EZH2: variants seen among roughly 807,000 people sequenced by gnomAD.
EZH2 encodes the protein histone-lysine N-methyltransferase EZH2.
EZH2 carries 18 observed loss-of-function variants against 98.4 expected under a neutral mutation model. The observed-to-expected ratio is 0.18, with a 90% CI of 0.13 to 0.27. The LOEUF (loss-of-function observed/expected upper bound fraction) is 0.27. Ranked by LOEUF, EZH2 falls within the 10% of genes least tolerant of loss-of-function variation. EZH2 has a pLI of 1.00. For missense variants in EZH2, 470 were observed against 935.1 expected, an observed-to-expected ratio of 0.50 and a Z score of 6.49; for synonymous variants, 338 against 312.3, an observed-to-expected ratio of 1.08 and a Z score of -0.87.
intron 1 of EZH2, among the ~76,000 whole-genome samples, chr7:148,868,686 T>C (rs1818893917): frequency 6.6e-6 from 1 of 152,144 alleles, no homozygotes; most frequent in African/African-American, 2.4e-5. Context: ...CTATAGCCTC[T>C]AGGGTAGAAA....
intron 1 of EZH2, among the ~76,000 whole-genome samples, chr7:148,868,582 G>A (rs1447719682): frequency 6.6e-6 from 1 of 152,142 alleles, no homozygotes; most frequent in Admixed American, 6.6e-5. Context: ...CGTGATTTGG[G>A]TGGGGCCACA....
At chr7:148,832,175 G>A (rs937172248) in intron 4 of EZH2, among the ~76,000 whole-genome samples, 8 of 151,950 alleles carry the variant, frequency 5.3e-5, no homozygotes, top group African/African-American at 1.2e-4. Flanking sequence ...TACAACCTCC[G>A]CCTCCCTCAA....
At chr7:148,863,624 C>A (rs757315457) in intron 1 of EZH2, among the ~76,000 whole-genome samples, 2 of 152,142 alleles carry the variant, frequency 1.3e-5, no homozygotes, top group Non-Finnish European at 2.9e-5. Flanking sequence ...AAATAAAAAT[C>A]TTGACCCAGG....
intron 1 of EZH2, among the ~76,000 whole-genome samples, chr7:148,872,297 A>G (rs761157131): frequency 2.0e-5 from 3 of 152,348 alleles, no homozygotes; most frequent in Non-Finnish European, 4.4e-5. Context: ...AATCATGGAA[A>G]CAGAAAGTAG....
intron 8 of EZH2, among the ~76,000 whole-genome samples, chr7:148,822,453 T>C (rs1019284357): frequency 1.3e-5 from 2 of 150,756 alleles, no homozygotes; most frequent in Admixed American, 1.3e-4. Context: ...AAGGCTGCAA[T>C]GAGCCAAGAT....
At chr7:148,815,678 G>A in intron 12 of EZH2, 132 bp from the exon 13 acceptor site, 1 of 773,876 alleles carries the variant, frequency 1.3e-6, no homozygotes, top group Non-Finnish European at 2.2e-6. Context: ...GCCCTGCCCA[G>A]TTTATATTTG....
chr7:148,872,839 C>CT (rs879385903), intron 1 of EZH2, among the ~76,000 whole-genome samples: 59 of 146,260 alleles, frequency 4.0e-4, no homozygotes, highest in East Asian at 9.9e-4. Flanking sequence ...TTTTTGATAC[C>CT]TTTTTTTTTT....
chr7:148,821,511 G>T (rs557933126), intron 8 of EZH2, among the ~76,000 whole-genome samples: 9 of 152,048 alleles, frequency 5.9e-5, no homozygotes, highest in African/African-American at 2.2e-4. Context: ...TTTTTAAAAA[G>T]AACTAGACAA....
chr7:148,841,136 G>A (rs370674252), intron 3 of EZH2, among the ~76,000 whole-genome samples: 1 of 151,006 alleles, frequency 6.6e-6, no homozygotes, highest in African/African-American at 2.4e-5. Context: ...TAAATGACAT[G>A]TATTTAATAT....
At position 148,811,705 on chromosome 7, in the gene EZH2, G is replaced by A. The variant is rs2129469074; in HGVS notation, c.1867C>T (p.Pro623Ser). ...RGSKKHLLLA[P>S]SDVAGWGIFI... The stretch of plus-strand genomic sequence containing the variant: ...ATCCCCCAGCCTGCCACGTCAGATG[G>A]TGCCAGCAATAGATGCTAGAGAATA... The change falls in exon 16 of 20, where the codon CCA becomes TCA. Residue 623 changes from proline to serine, a missense_variant. Coordinates refer to ENST00000320356, the MANE Select transcript of EZH2 (RefSeq NM_004456.5). The A allele has an allele frequency of 6.2e-7, 1 of 1,612,544 alleles. No individual in the cohort carries two copies. Among genetic ancestry groups the A allele is most frequent in the Non-Finnish European group, 8.5e-7 (1 of 1,179,978 alleles).
intron 9 of EZH2, among the ~76,000 whole-genome samples, chr7:148,819,293 G>C (rs899442985): frequency 3.3e-5 from 5 of 152,204 alleles, no homozygotes; most frequent in African/African-American, 1.2e-4. Context: ...TTTCTAAGCG[G>C]ACTATCTGTG....
At chr7:148,878,068 G>A (rs1563078954) in intron 1 of EZH2, among the ~76,000 whole-genome samples, 1 of 152,032 alleles carries the variant, frequency 6.6e-6, no homozygotes, top group East Asian at 1.9e-4. Context: ...TTTGTATTCT[G>A]GTAAGATATA....
chr7:148,875,958 C>A (rs937313134), intron 1 of EZH2: 1 of 152,132 alleles, frequency 6.6e-6, no homozygotes, highest in South Asian at 2.1e-4. Context: ...GAGTTGGAAA[C>A]CATCCTGGGC....
At chr7:148,866,519 T>TGTATATACGTATATATAC (rs1818485918) in intron 1 of EZH2, among the ~76,000 whole-genome samples, 2 of 70,530 alleles carry the variant, frequency 2.8e-5, no homozygotes, top group South Asian at 5.1e-4. Context: ...CATATATATG[T>TGTATATACGTATATATAC]GTATATACAT....
intron 1 of EZH2, among the ~76,000 whole-genome samples, chr7:148,871,509 G>C (rs1046673096): frequency 2.7e-5 from 4 of 149,376 alleles, no homozygotes; most frequent in Admixed American, 2.0e-4. Flanking sequence ...CTGACCTATG[G>C]AACCTGCATA....
At chr7:148,808,390 C>T (rs115773284) in intron 19 of EZH2, among the ~76,000 whole-genome samples, 1,573 of 152,346 alleles carry the variant, frequency 0.01, 20 homozygotes, top group African/African-American at 0.036. Flanking sequence ...TACTCAAAGA[C>T]AGCTTCTGGA....
intron 1 of EZH2, among the ~76,000 whole-genome samples, chr7:148,859,004 CCA>C (rs1817262397): frequency 6.6e-6 from 1 of 152,084 alleles, no homozygotes; most frequent in Non-Finnish European, 1.5e-5. Context: ...TGGTCTTTAC[CCA>C]CAGTGAGAGC....
chr7:148,882,596 A>T (rs1821168741), intron 1 of EZH2, among the ~76,000 whole-genome samples: 1 of 152,256 alleles, frequency 6.6e-6, no homozygotes, highest in African/African-American at 2.4e-5. Context: ...CCTAAACATG[A>T]ATTAGTTGCT....
chr7:148,835,267 C>T (rs1338265206), intron 3 of EZH2, among the ~76,000 whole-genome samples: 2 of 151,922 alleles, frequency 1.3e-5, no homozygotes, highest in East Asian at 1.9e-4. Flanking sequence ...TAAAAACACA[C>T]AAAAAATTAG....
Sources: gnomAD v4.1 joint callset for allele counts (sites outside exome capture counted in the v4.1 genomes callset) on GRCh38, gnomAD v4.1.1 for gene constraint, MANE v1.5 for transcripts, NCBI Gene and HGNC (gene_info 2026-07-23, HGNC 2026-07-21) for gene names.